The following SEMA7A variants were observed in gnomAD, a reference collection of about 807,000 sequenced individuals.
SEMA7A encodes semaphorin 7A (JohnMiltonHagen blood group).
Under a neutral mutation model 67.5 loss-of-function variants are expected in SEMA7A, and 21 were observed. The ratio of observed to expected loss-of-function variants is 0.31; its 90% CI spans 0.22 to 0.45. The LOEUF is 0.45. SEMA7A is among the 20% of genes least tolerant of loss of function. The pLI is 1.00. For synonymous variants in SEMA7A, 364 were observed against 368.5 expected (o/e 0.99, Z 0.14); for missense variants, 774 against 908.6 (o/e 0.85, Z 1.90).
chr15:74,417,570 C>G, intron 5 of SEMA7A, 21 bp downstream of exon 5: 1 of 1,606,622 alleles, frequency 6.2e-7, no homozygotes, highest in Non-Finnish European at 8.5e-7. Context: ...CCCTGGGGCG[C>G]CTGCTCCAGC....
At chr15:74,421,656 C>T (rs536717662) in intron 1 of SEMA7A, among the ~76,000 whole-genome samples, 71 of 152,322 alleles carry the variant, frequency 4.7e-4, no homozygotes, top group African/African-American at 1.6e-3. Flanking sequence ...GCTCCCGCAC[C>T]GCCTGAGGCC....
intron 2 of SEMA7A, 50 bp downstream of exon 2, chr15:74,418,751 G>A: frequency 6.3e-7 from 1 of 1,590,722 alleles, no homozygotes; most frequent in South Asian, 1.1e-5. Flanking sequence ...GGCAGGGCCA[G>A]AGGGGAGATA....
intron 7 of SEMA7A, 30 bp from the exon 8 acceptor site, chr15:74,416,015 T>C: frequency 6.2e-7 from 1 of 1,605,030 alleles, no homozygotes; most frequent in Non-Finnish European, 8.5e-7. Context: ...AAGAGGCCCC[T>C]CAGCACCTGC....
chr15:74,416,101 G>A (rs2060945883), intron 7 of SEMA7A, 116 bp from the exon 8 acceptor site: 49 of 1,119,784 alleles, frequency 4.4e-5, no homozygotes, highest in Non-Finnish European at 5.7e-5. Flanking sequence ...AAGGCAGGCT[G>A]TGAGGGGCCA....
intron 1 of SEMA7A, chr15:74,427,104 G>T: frequency 2.0e-6 from 1 of 495,982 alleles, no homozygotes; most frequent in Non-Finnish European, 2.6e-6. Flanking sequence ...TAAATCCCTT[G>T]GATCCAGGAA....
Position 74,411,075 on chromosome 15 carries a change from A to G in SEMA7A, c.1640-90T>C, listed in dbSNP as rs1245564246. 1 of 1,518,198 alleles carries G rather than the reference A, an allele frequency of 6.6e-7. No individual in the cohort carries two copies. The highest frequency in any genetic ancestry group is 2.3e-5 in the East Asian group (1 of 44,206). The allele number at this position is 1,518,198 out of a possible 1,614,324, so 94.0% of individuals were successfully genotyped here. A position where few individuals can be genotyped will look rare whatever the true frequency, so the allele number is the denominator to read the frequency against. ...TCCCCACGGACTGGGATCCCAGGACAAGGCTTCTGAATGAACGTGGGGAAC... is the reference window on the plus strand; with the variant it reads ...TCCCCACGGACTGGGATCCCAGGACGAGGCTTCTGAATGAACGTGGGGAAC... On this transcript the variant is annotated intron_variant, in intron 13 of 13. Coordinates refer to ENST00000261918, the MANE Select transcript of SEMA7A (RefSeq NM_003612.5). This position sits in a 1 kb window ranked among gnomAD's most constrained non-coding sequence, Gnocchi z 4.4.
intron 7 of SEMA7A, 118 bp downstream of exon 7, chr15:74,416,457 A>G (rs1202295732): frequency 4.5e-6 from 5 of 1,106,478 alleles, no homozygotes; most frequent in Non-Finnish European, 6.5e-6. Context: ...AGTCCCTGAC[A>G]CAGACCCACT....
intron 6 of SEMA7A, among the ~76,000 whole-genome samples, chr15:74,416,979 G>C (rs1207443610): frequency 6.6e-6 from 1 of 152,188 alleles, no homozygotes; most frequent in Non-Finnish European, 1.5e-5. Flanking sequence ...GAAGGTCCCT[G>C]GGGGCCCCTA....
rs150512270 is a variant in SEMA7A, at chr15:74,426,026, G to A, written c.179-7074C>T. Among the ~76,000 whole-genome samples the A allele has an allele frequency of 8.4e-3, 1,281 of 152,268 alleles. 7 individuals are homozygous for A. The highest frequency in any genetic ancestry group is 0.018 in the African/African-American group (766 of 41,570). On this transcript the variant is annotated intron_variant, in intron 1 of 13. Coordinates refer to ENST00000261918, the MANE Select transcript of SEMA7A (RefSeq NM_003612.5). Reference sequence around the variant, plus strand: ...AGTGGGTCATGCCCATAATCCCGGCGCTTTGGGAGGCTGAGGTGGGCAGAT... The same window carrying A: ...AGTGGGTCATGCCCATAATCCCGGCACTTTGGGAGGCTGAGGTGGGCAGAT...
chr15:74,433,687 C>T (rs2061114354), intron 1 of SEMA7A, 54 bp downstream of exon 1: 1 of 1,373,968 alleles, frequency 7.3e-7, no homozygotes, highest in Non-Finnish European at 9.3e-7. Context: ...CACTCCGCAC[C>T]CGCCCCGCGC....
chr15:74,412,569 T>C (rs1367658093), intron 10 of SEMA7A, among the ~76,000 whole-genome samples: 1 of 152,120 alleles, frequency 6.6e-6, no homozygotes, highest in South Asian at 2.1e-4. Context: ...TTTTTTTTTA[T>C]TTTGGAGTAA....
intron 7 of SEMA7A, 68 bp downstream of exon 7, chr15:74,416,507 G>C: frequency 6.5e-7 from 1 of 1,542,968 alleles, no homozygotes; most frequent in Non-Finnish European, 8.9e-7. Flanking sequence ...CGGACACACA[G>C]AACTCACCCT....
chr15:74,416,196 G>T (rs1480278465), intron 7 of SEMA7A, among the ~76,000 whole-genome samples: 1 of 152,100 alleles, frequency 6.6e-6, no homozygotes, highest in Non-Finnish European at 1.5e-5. Flanking sequence ...AGAGCCCAGG[G>T]CCAGCAGTGC....
At chr15:74,422,622 G>A (rs1223981433) in intron 1 of SEMA7A, among the ~76,000 whole-genome samples, 1 of 152,236 alleles carries the variant, frequency 6.6e-6, no homozygotes, top group African/African-American at 2.4e-5. Context: ...TAGGAGGGCT[G>A]CAAGGATGGC....
rs560559007 is a variant in SEMA7A at position 74,414,193 on chromosome 15, T to C, written c.1294+354A>G. Among the ~76,000 whole-genome samples, 3 of 152,354 alleles carry C rather than the reference T, an allele frequency of 2.0e-5. No individual in the cohort carries two copies. The highest frequency in any genetic ancestry group is 6.5e-5 in the Admixed American group (1 of 15,304). ...TCTGCCTGGCAGAGGCCAGTATCCC[T>C]GTGGTTCAGGCCCCTCCTCCTCATT... On this transcript the variant is annotated intron_variant, in intron 10 of 13. Transcript: ENST00000261918. The surrounding 1 kb of genome is among the most constrained non-coding windows in gnomAD (Gnocchi z 4.1).
intron 1 of SEMA7A, 86 bp downstream of exon 1, chr15:74,433,655 C>T (rs1415423927): frequency 7.6e-7 from 1 of 1,313,020 alleles, no homozygotes; most frequent in South Asian, 2.1e-5. Flanking sequence ...GCTGCGCGCA[C>T]GCACTCCCTC....
At chr15:74,427,449 C>G in intron 1 of SEMA7A, 1 of 928,930 alleles carries the variant, frequency 1.1e-6, no homozygotes, top group Non-Finnish European at 1.3e-6. Flanking sequence ...CTGCCTCAGC[C>G]TCCCAAGTAG....
rs141653612 is a variant in SEMA7A at position 74,418,806 on chromosome 15, G to A, written c.325C>T (p.Arg109Cys). Residue 109 changes from arginine to cysteine, a missense_variant, in exon 2 of 14, where the codon CGC becomes TGC. Around this residue, in one of 2 missense-constraint regions of SEMA7A, gnomAD observed 347 missense variants for 353.2 expected, o/e 0.98. Transcript: ENST00000261918. ...DFPEGKNASV[R>C]TVNIGSTKGS... is the part of the protein sequence containing the mutation. ...GGGGGAAGAGAGAGGCTCACCGTGC[G>A]CACAGATGCGTTCTTGCCCTCGGGG... 2,502 of 1,613,584 alleles carry A rather than the reference G, an allele frequency of 1.6e-3. 2 individuals carry two copies. The highest frequency in any genetic ancestry group is 3.3e-3 in the Admixed American group (198 of 60,024).
At chr15:74,422,576 T>C (rs962050018) in intron 1 of SEMA7A, among the ~76,000 whole-genome samples, 1 of 152,146 alleles carries the variant, frequency 6.6e-6, no homozygotes, top group Non-Finnish European at 1.5e-5. Context: ...CCATTTCTCA[T>C]GGTGGCAGGG....
Sources: gnomAD v4.1 joint callset for allele counts (sites outside exome capture counted in the v4.1 genomes callset) on GRCh38, gnomAD v4.1.1 for gene constraint, gnomAD v4.1.1 regional missense constraint, Gnocchi (gnomAD v3.1) non-coding constraint, MANE v1.5 for transcripts, NCBI Gene and HGNC (gene_info 2026-07-23, HGNC 2026-07-21) for gene names.